ADAMTSL3: variants seen among roughly 807,000 people sequenced by gnomAD.
The protein encoded by ADAMTSL3 is ADAMTS-like protein 3.
In ADAMTSL3, 128 loss-of-function variants were observed where a neutral mutation model predicts 201.7. That is an observed-to-expected ratio of 0.63 (90% CI 0.55 to 0.73). ADAMTSL3 has a LOEUF of 0.73. Among genes scored for constraint, ADAMTSL3 ranks in the 30% least tolerant of loss-of-function variants. The pLI, the probability that ADAMTSL3 is intolerant of heterozygous loss-of-function variation, is 0.00. For missense variants in ADAMTSL3, 1,990 were observed against 2,119.6 expected, an observed-to-expected ratio of 0.94 and a Z score of 1.20; for synonymous variants, 738 against 748.4, an observed-to-expected ratio of 0.99 and a Z score of 0.23.
At chr15:83,916,894 T>G (rs2066044237) in intron 16 of ADAMTSL3, among the ~76,000 whole-genome samples, 1 of 152,240 alleles carries the variant, frequency 6.6e-6, no homozygotes, top group Non-Finnish European at 1.5e-5. Context: ...ATAGAACATA[T>G]TCTTTGCCTT....
chr15:84,015,233 T>C (rs990331767), intron 24 of ADAMTSL3, among the ~76,000 whole-genome samples: 1 of 152,188 alleles, frequency 6.6e-6, no homozygotes, highest in African/African-American at 2.4e-5. Context: ...CATGAACCAC[T>C]GCGCCCGGTC....
intron 5 of ADAMTSL3, among the ~76,000 whole-genome samples, chr15:83,806,145 A>T (rs1193868889): frequency 8.4e-5 from 1 of 11,896 alleles, no homozygotes; most frequent in African/African-American, 1.1e-3. Flanking sequence ...CATCCCACAG[A>T]TGACTGCAGC....
chr15:83,707,859 A>T (rs938916148), intron 3 of ADAMTSL3, among the ~76,000 whole-genome samples: 1 of 152,204 alleles, frequency 6.6e-6, no homozygotes, highest in Non-Finnish European at 1.5e-5. Flanking sequence ...AACAAATTGC[A>T]GCATACTGGG....
chr15:83,854,742 TA>T (rs1299603502), intron 7 of ADAMTSL3, among the ~76,000 whole-genome samples: 1 of 152,310 alleles, frequency 6.6e-6, no homozygotes, highest in East Asian at 1.9e-4. Context: ...CTTCTGTTTT[TA>T]AAAAAAGGTT....
intron 5 of ADAMTSL3, among the ~76,000 whole-genome samples, chr15:83,812,421 C>G (rs143855965): frequency 6.6e-6 from 1 of 152,136 alleles, no homozygotes; most frequent in African/African-American, 2.4e-5. Flanking sequence ...TTTAGTGATT[C>G]TAAGATGAGG....
chr15:83,945,928 T>TAG (rs2066647119), intron 19 of ADAMTSL3: 1 of 152,258 alleles, frequency 6.6e-6, no homozygotes, highest in South Asian at 2.1e-4. Flanking sequence ...AGTTAGCCCT[T>TAG]ACATGTGTCC....
At position 84,037,727 on chromosome 15, in the gene ADAMTSL3, G is replaced by T. The variant is rs779469692; in HGVS notation, c.4997G>T (p.Cys1666Phe). ...GACTGCACAGACACAACTCACTACTGTATGTTTGTAAAACATCTTAATTTG... is the reference window on the plus strand; with the variant it reads ...GACTGCACAGACACAACTCACTACTTTATGTTTGTAAAACATCTTAATTTG... ...DRDCTDTTHY[C>F]MFVKHLNLCS... The change falls in exon 30 of 30, where the codon TGT becomes TTT. Residue 1666 changes from cysteine to phenylalanine, a missense_variant. Cys to Phe is a radical substitution (Grantham distance 205). Transcript: ENST00000286744. The T allele has an allele frequency of 2.5e-6, 4 of 1,612,648 alleles. No homozygotes were observed. The highest frequency in any genetic ancestry group is 1.3e-5 in the African/African-American group (1 of 74,830).
intron 5 of ADAMTSL3, 91 bp from the exon 6 acceptor site, chr15:83,819,715 AGGTGT>A (rs888901939): frequency 4.5e-6 from 4 of 889,168 alleles, no homozygotes; most frequent in African/African-American, 1.7e-5. Context: ...GAGGCAAGTG[AGGTGT>A]GGTCTCATGA....
chr15:83,671,749 G>T (rs1375135531), intron 2 of ADAMTSL3, among the ~76,000 whole-genome samples: 2 of 152,232 alleles, frequency 1.3e-5, no homozygotes, highest in Non-Finnish European at 2.9e-5. Flanking sequence ...TAGCTCTAGT[G>T]GGGAGCAATC....
intron 17 of ADAMTSL3, among the ~76,000 whole-genome samples, chr15:83,939,566 C>G (rs528246968): frequency 6.6e-6 from 1 of 150,792 alleles, no homozygotes; most frequent in African/African-American, 2.4e-5. Flanking sequence ...TGCCTTCTCT[C>G]TTTTTTCTCC....
chr15:83,799,459 G>C (rs1260616961), intron 4 of ADAMTSL3, among the ~76,000 whole-genome samples: 1 of 152,072 alleles, frequency 6.6e-6, no homozygotes, highest in Non-Finnish European at 1.5e-5. Flanking sequence ...TGATATTCTA[G>C]TTAAGTGCCA....
At chr15:83,871,940 A>G (rs780649896) in intron 9 of ADAMTSL3, among the ~76,000 whole-genome samples, 2 of 152,184 alleles carry the variant, frequency 1.3e-5, no homozygotes, top group African/African-American at 2.4e-5. Context: ...TCTGTGTTCT[A>G]CATATTAATT....
chr15:83,949,760 A>G (rs2066725081), intron 19 of ADAMTSL3, among the ~76,000 whole-genome samples: 2 of 152,142 alleles, frequency 1.3e-5, no homozygotes, highest in Non-Finnish European at 2.9e-5. Flanking sequence ...TCTGGTGATC[A>G]TTGATGTTGA....
intron 10 of ADAMTSL3, among the ~76,000 whole-genome samples, chr15:83,888,789 G>T (rs879658958): frequency 6.6e-6 from 1 of 152,140 alleles, no homozygotes; most frequent in Non-Finnish European, 1.5e-5. Context: ...TTTCGACCTT[G>T]CTTTTTATAA....
intron 8 of ADAMTSL3, among the ~76,000 whole-genome samples, chr15:83,860,489 AT>A (rs2064831487): frequency 6.6e-6 from 1 of 152,190 alleles, no homozygotes; most frequent in Non-Finnish European, 1.5e-5. Flanking sequence ...TAAATTATGC[AT>A]TTTAAAAGGG....
chr15:83,713,447 G>A (rs762172680), intron 3 of ADAMTSL3, among the ~76,000 whole-genome samples: 3 of 152,188 alleles, frequency 2.0e-5, no homozygotes, highest in African/African-American at 4.8e-5. Context: ...GAAAATGCAG[G>A]AAACTGGACT....
At chr15:83,682,154 T>C (rs2061484391) in intron 2 of ADAMTSL3, among the ~76,000 whole-genome samples, 1 of 152,188 alleles carries the variant, frequency 6.6e-6, no homozygotes, top group African/African-American at 2.4e-5. Context: ...CTCTTGGCTG[T>C]ATGTAGCAGG....
chr15:83,791,002 A>G (rs1019971873), intron 4 of ADAMTSL3, among the ~76,000 whole-genome samples: 2 of 152,232 alleles, frequency 1.3e-5, no homozygotes, highest in Non-Finnish European at 1.5e-5. Flanking sequence ...GAGGAACCCT[A>G]ATAAAATACC....
chr15:83,900,128 C>T (rs1018889816), intron 15 of ADAMTSL3, among the ~76,000 whole-genome samples: 2 of 152,126 alleles, frequency 1.3e-5, no homozygotes, highest in Non-Finnish European at 2.9e-5. Context: ...ATGCATTAGT[C>T]GCCTGAGTGA....
Sources: gnomAD v4.1 joint callset for allele counts (sites outside exome capture counted in the v4.1 genomes callset) on GRCh38, gnomAD v4.1.1 for gene constraint, MANE v1.5 for transcripts, NCBI Gene and HGNC (gene_info 2026-07-23, HGNC 2026-07-21) for gene names.